Variants in NRXN3 observed in about 807,000 individuals in gnomAD.
NRXN3 encodes neurexin 3.
In NRXN3, 32 loss-of-function variants were observed where a neutral mutation model predicts 137.6. The ratio of observed to expected loss-of-function variants is 0.23; its 90% CI spans 0.18 to 0.31. The LOEUF is 0.31. Ranked by LOEUF, NRXN3 falls within the 10% of genes least tolerant of loss-of-function variation. The pLI, the probability that NRXN3 is intolerant of heterozygous loss-of-function variation, is 1.00. For missense variants in NRXN3, 1,574 were observed against 2,062.5 expected, an observed-to-expected ratio of 0.76 and a Z score of 4.59; for synonymous variants, 798 against 784.5, an observed-to-expected ratio of 1.02 and a Z score of -0.29.
intron 16 of NRXN3, among the ~76,000 whole-genome samples, chr14:79,592,525 CT>C (rs1432290740): frequency 6.6e-6 from 1 of 152,038 alleles, no homozygotes; most frequent in East Asian, 1.9e-4. Context: ...AAGACTTTTT[CT>C]TTGTAATGTT....
chr14:79,676,373 A>G (rs1410337726), intron 17 of NRXN3, among the ~76,000 whole-genome samples: 1 of 151,762 alleles, frequency 6.6e-6, no homozygotes, highest in Non-Finnish European at 1.5e-5. Context: ...GGTACCCACC[A>G]TTTTACTTTC....
chr14:79,766,387 A>G (rs1351397446), intron 19 of NRXN3, among the ~76,000 whole-genome samples: 1 of 152,168 alleles, frequency 6.6e-6, no homozygotes, highest in Non-Finnish European at 1.5e-5. Flanking sequence ...TGTATCAGTG[A>G]GTTATCTGAC....
At chr14:79,359,824 T>G (rs2093622522) in intron 15 of NRXN3, among the ~76,000 whole-genome samples, 1 of 152,056 alleles carries the variant, frequency 6.6e-6, no homozygotes, top group Admixed American at 6.5e-5. Flanking sequence ...GCCAGTTACT[T>G]AAAAATTGGC....
At chr14:79,295,448 A>G (rs1329433132) in intron 15 of NRXN3, among the ~76,000 whole-genome samples, 1 of 152,058 alleles carries the variant, frequency 6.6e-6, no homozygotes, top group Non-Finnish European at 1.5e-5. Flanking sequence ...CCAGCATACC[A>G]CCTTGTTTTG....
rs1453368949 is a variant in NRXN3 at position 78,684,880 on chromosome 14, C to T, written c.1222-24337C>T. On this transcript the variant is annotated intron_variant, in intron 6 of 20. Coordinates refer to ENST00000335750, the MANE Select transcript of NRXN3 (RefSeq NM_001330195.2). Reference sequence around the variant, plus strand: ...ATTTGTGTAAGTTATACATAAATATCATGCAACTTCATTGTACTGCTTATT... The same window carrying T: ...ATTTGTGTAAGTTATACATAAATATTATGCAACTTCATTGTACTGCTTATT... Among the ~76,000 whole-genome samples the T allele has an allele frequency of 2.6e-5, 4 of 152,120 alleles. No homozygotes were observed. In the East Asian group the frequency reaches 7.7e-4, roughly 29 times the overall value.
chr14:78,413,568 C>T (rs1180269855), intron 4 of NRXN3, among the ~76,000 whole-genome samples: 2 of 152,198 alleles, frequency 1.3e-5, no homozygotes, highest in Non-Finnish European at 2.9e-5. Flanking sequence ...AGGCATGAGC[C>T]ACCGCACCTG....
chr14:79,657,503 G>A (rs2098511981), intron 16 of NRXN3, among the ~76,000 whole-genome samples: 1 of 152,128 alleles, frequency 6.6e-6, no homozygotes, highest in African/African-American at 2.4e-5. Flanking sequence ...TCAACGGAGA[G>A]ACCTGGTCTC....
chr14:78,331,821 A>T (rs862334), intron 4 of NRXN3, among the ~76,000 whole-genome samples: 1 of 151,984 alleles, frequency 6.6e-6, no homozygotes. Flanking sequence ...TTGATTACTC[A>T]ATATAAAAAT....
intron 16 of NRXN3, among the ~76,000 whole-genome samples, chr14:79,603,211 G>A (rs1047178050): frequency 4.3e-5 from 6 of 140,844 alleles, no homozygotes; most frequent in Non-Finnish European, 6.0e-5. Flanking sequence ...GCTTTGTTTC[G>A]TTAAAAGACT....
chr14:78,268,829 G>A (rs1284900039), intron 2 of NRXN3, among the ~76,000 whole-genome samples: 1 of 152,134 alleles, frequency 6.6e-6, no homozygotes, highest in Non-Finnish European at 1.5e-5. Context: ...GAAGCACTCA[G>A]TAAATGGCAG....
intron 16 of NRXN3, among the ~76,000 whole-genome samples, chr14:79,631,762 A>G (rs758088214): frequency 6.6e-6 from 1 of 151,534 alleles, no homozygotes; most frequent in South Asian, 2.1e-4. Flanking sequence ...ACCAATCAGC[A>G]CTCTGTGTCT....
At chr14:79,605,893 G>C (rs757665420) in intron 16 of NRXN3, among the ~76,000 whole-genome samples, 1 of 152,172 alleles carries the variant, frequency 6.6e-6, no homozygotes, top group Non-Finnish European at 1.5e-5. Context: ...ATGGCCTTTT[G>C]TTACCTGAAA....
At chr14:79,138,794 G>A (rs2058508248) in intron 15 of NRXN3, among the ~76,000 whole-genome samples, 1 of 152,184 alleles carries the variant, frequency 6.6e-6, no homozygotes, top group Admixed American at 6.5e-5. Flanking sequence ...CAAAATTTGT[G>A]TTGCAAAACA....
At chr14:79,494,576 C>T (rs2096748729) in intron 16 of NRXN3, among the ~76,000 whole-genome samples, 2 of 152,068 alleles carry the variant, frequency 1.3e-5, no homozygotes, top group African/African-American at 2.4e-5. Flanking sequence ...TAAAATATAG[C>T]AAAAACAGGG....
chr14:79,119,756 A>G (rs1042586837), intron 15 of NRXN3, among the ~76,000 whole-genome samples: 2 of 151,298 alleles, frequency 1.3e-5, no homozygotes, highest in African/African-American at 4.9e-5. Context: ...TCTTTTTTTC[A>G]TTTTTTCTAA....
chr14:79,366,980 C>CTTTT (rs71131695), intron 15 of NRXN3, among the ~76,000 whole-genome samples: 20 of 113,200 alleles, frequency 1.8e-4, no homozygotes, highest in East Asian at 2.7e-4. Context: ...GTCCCTTAGT[C>CTTTT]TTTTTTTTTT....
At chr14:79,041,360 G>T (rs1294838668) in intron 15 of NRXN3, among the ~76,000 whole-genome samples, 1 of 152,108 alleles carries the variant, frequency 6.6e-6, no homozygotes, top group Non-Finnish European at 1.5e-5. Flanking sequence ...GTTAAATTTG[G>T]GAAAGGATTA....
intron 4 of NRXN3, among the ~76,000 whole-genome samples, chr14:78,319,870 G>A (rs913190241): frequency 6.6e-6 from 1 of 152,206 alleles, no homozygotes; most frequent in Non-Finnish European, 1.5e-5. Flanking sequence ...AGGAGAAAAT[G>A]CTTAAGAAAT....
intron 1 of NRXN3, among the ~76,000 whole-genome samples, chr14:78,189,626 G>A (rs756351941): frequency 1.1e-4 from 16 of 151,028 alleles, no homozygotes; most frequent in Non-Finnish European, 1.9e-4. Flanking sequence ...TTGTTCTGTC[G>A]CCCAGGCTGG....
Sources: allele counts gnomAD v4.1 joint callset (sites outside exome capture counted in the v4.1 genomes callset), GRCh38; gene constraint gnomAD v4.1.1; transcripts MANE v1.5; gene names NCBI Gene and HGNC (gene_info 2026-07-23, HGNC 2026-07-21).